Variants in PDE1C observed in about 807,000 individuals in gnomAD.
The protein encoded by PDE1C is dual specificity calcium/calmodulin-dependent 3',5'-cyclic nucleotide phosphodiesterase 1C.
PDE1C carries 62 observed loss-of-function variants against 93.1 expected under a neutral mutation model. The ratio of observed to expected loss-of-function variants is 0.67; its 90% confidence interval spans 0.54 to 0.82. The LOEUF (loss-of-function observed/expected upper bound fraction) is 0.82. Ranked by LOEUF, PDE1C falls within the 40% of genes least tolerant of loss-of-function variation. The pLI is 0.00. For synonymous variants in PDE1C, 325 were observed against 310.1 expected (o/e 1.05, Z -0.50); for missense variants, 742 against 884.6 (o/e 0.84, Z 2.04).
Position 32,414,585 on chromosome 7 carries a change from A to G in PDE1C, c.310+13237T>C, listed in dbSNP as rs573464003. Among the ~76,000 whole-genome samples, 5 of 152,310 alleles carry G rather than the reference A, an allele frequency of 3.3e-5. No individual in the cohort carries two copies. In the East Asian group the frequency reaches 9.6e-4, roughly 29 times the overall value. ...ATGAAACCATTTTCAACTCATTCTG[A>G]CATATTAAAAGAAGTTGGCATTTGG... On this transcript the variant is annotated intron_variant, in intron 1 of 1. Coordinates refer to the PDE1C transcript ENST00000672256.
At chr7:31,663,405 C>T in the PDE1C span, among the ~76,000 whole-genome samples, 1 of 152,296 alleles carries the variant, frequency 6.6e-6, no homozygotes, top group African/African-American at 2.4e-5. Flanking sequence ...TTTCCAGGGG[C>T]TCCTTTCCCA....
chr7:31,716,561 T>C, the PDE1C span, among the ~76,000 whole-genome samples: 1 of 152,194 alleles, frequency 6.6e-6, no homozygotes, highest in Non-Finnish European at 1.5e-5. Flanking sequence ...TATTGTGCAA[T>C]AATAGATGTG....
intron 1 of PDE1C, among the ~76,000 whole-genome samples, chr7:32,346,372 C>T (rs900523704): frequency 6.6e-6 from 1 of 152,200 alleles, no homozygotes; most frequent in Non-Finnish European, 1.5e-5. Context: ...AGGACAGTTG[C>T]CCCTTGCAAA....
the PDE1C span, among the ~76,000 whole-genome samples, chr7:31,688,790 A>G: frequency 6.6e-6 from 1 of 152,228 alleles, no homozygotes; most frequent in South Asian, 2.1e-4. Context: ...CTGAAATCAT[A>G]TCTCTTGGTC....
intron 1 of PDE1C, among the ~76,000 whole-genome samples, chr7:32,259,593 T>C (rs1316074048): frequency 6.6e-6 from 1 of 152,136 alleles, no homozygotes; most frequent in African/African-American, 2.4e-5. Flanking sequence ...TAAAATCTCA[T>C]GGGTTTCTCA....
chr7:31,953,486 CTG>C (rs1807693301), intron 2 of PDE1C, among the ~76,000 whole-genome samples: 1 of 152,182 alleles, frequency 6.6e-6, no homozygotes, highest in Non-Finnish European at 1.5e-5. Flanking sequence ...AAATTGATAA[CTG>C]TCAGGGTGCT....
At chr7:31,685,030 G>A in the PDE1C span, among the ~76,000 whole-genome samples, 1 of 152,036 alleles carries the variant, frequency 6.6e-6, no homozygotes, top group East Asian at 1.9e-4. Flanking sequence ...ACCAACTGTG[G>A]TCCATTCTAT....
chr7:32,138,902 A>C (rs1237462280), intron 3 of PDE1C, among the ~76,000 whole-genome samples: 1 of 152,178 alleles, frequency 6.6e-6, no homozygotes, highest in Non-Finnish European at 1.5e-5. Flanking sequence ...TTAATTTGAA[A>C]GGTTTAGAGA....
chr7:31,698,277 C>G, the PDE1C span, among the ~76,000 whole-genome samples: 1 of 152,192 alleles, frequency 6.6e-6, no homozygotes, highest in Non-Finnish European at 1.5e-5. Context: ...AGATCCCCAG[C>G]CACATTAGAG....
downstream of PDE1C, among the ~76,000 whole-genome samples, chr7:31,749,790 T>G (rs1583916125): frequency 7.0e-6 from 1 of 142,348 alleles, no homozygotes. Flanking sequence ...CAGGCTGGAG[T>G]GCAGTAGCAC....
At chr7:31,926,898 GT>G (rs1256073031) in intron 2 of PDE1C, among the ~76,000 whole-genome samples, 2 of 143,974 alleles carry the variant, frequency 1.4e-5, no homozygotes, top group Non-Finnish European at 1.5e-5. Flanking sequence ...AGCTGCAGGA[GT>G]TTTTTTGTTT....
At chr7:31,653,802 A>T in the PDE1C span, 2 of 152,244 alleles carry the variant, frequency 1.3e-5, no homozygotes, top group South Asian at 4.1e-4. Flanking sequence ...AGGAAATAAC[A>T]GGTTTTGTGA....
chr7:32,324,919 G>C (rs567341147), intron 1 of PDE1C, among the ~76,000 whole-genome samples: 1 of 152,196 alleles, frequency 6.6e-6, no homozygotes, highest in South Asian at 2.1e-4. Context: ...ACTGTACTCC[G>C]GCCTGGGTGA....
intron 2 of PDE1C, among the ~76,000 whole-genome samples, chr7:31,885,539 G>T (rs1397213802): frequency 1.3e-5 from 2 of 152,188 alleles, no homozygotes; most frequent in South Asian, 4.1e-4. Context: ...TCAGTTCCCT[G>T]TGCCCTCAGA....
chr7:32,134,517 T>C (rs968044534), intron 3 of PDE1C, among the ~76,000 whole-genome samples: 1 of 151,536 alleles, frequency 6.6e-6, no homozygotes, highest in African/African-American at 2.4e-5. Context: ...CAATGAGGCA[T>C]AAAAAAAATA....
intron 6 of PDE1C, 56 bp downstream of exon 6, chr7:31,873,236 G>T (rs1796152676): frequency 9.6e-7 from 1 of 1,043,464 alleles, no homozygotes; most frequent in Non-Finnish European, 1.5e-6. Flanking sequence ...AAAGTCATAT[G>T]AGGATAAACA....
At chr7:32,426,473 C>T (rs1030136560) in intron 1 of PDE1C, among the ~76,000 whole-genome samples, 11 of 151,994 alleles carry the variant, frequency 7.2e-5, no homozygotes, top group African/African-American at 2.2e-4. Flanking sequence ...TGGAGTTTCG[C>T]CATGTTGCCC....
intron 15 of PDE1C, among the ~76,000 whole-genome samples, chr7:31,814,802 G>T (rs990112117): frequency 2.0e-5 from 3 of 151,118 alleles, no homozygotes; most frequent in Admixed American, 2.0e-4. Flanking sequence ...GCTGTGAATA[G>T]GTATTACTAT....
chr7:31,905,559 A>C (rs59705751), intron 2 of PDE1C, among the ~76,000 whole-genome samples: 4 of 152,178 alleles, frequency 2.6e-5, no homozygotes. Context: ...AATGTGCACA[A>C]ATTTTTATCT....
Sources: gnomAD v4.1 joint callset for allele counts (sites outside exome capture counted in the v4.1 genomes callset) on GRCh38, gnomAD v4.1.1 for gene constraint, MANE v1.5 for transcripts, NCBI Gene and HGNC (gene_info 2026-07-23, HGNC 2026-07-21) for gene names.